The following CDH8 variants were observed in gnomAD, a reference collection of about 807,000 sequenced individuals.
The protein encoded by CDH8 is cadherin 8, also known as cadherin-8.
A neutral mutation model predicts 68.1 loss-of-function variants in CDH8; 17 were observed. The ratio of observed to expected loss-of-function variants is 0.25; its 90% CI spans 0.17 to 0.37. The LOEUF (loss-of-function observed/expected upper bound fraction) is 0.37, where lower values mean the gene tolerates loss of function less well. CDH8 is among the 10% of genes least tolerant of loss of function. The probability of loss-of-function intolerance (pLI) is 1.00; values close to 1 mark genes in which losing one functional copy is unlikely to be tolerated. For synonymous variants in CDH8, 372 were observed against 365.1 expected (o/e 1.02, Z -0.21); for missense variants, 763 against 999.3 (o/e 0.76, Z 3.19).
chr16:61,754,805 T>C (rs1052799113), intron 8 of CDH8, among the ~76,000 whole-genome samples: 2 of 152,176 alleles, frequency 1.3e-5, no homozygotes, highest in African/African-American at 4.8e-5. Flanking sequence ...GGGGGACATA[T>C]GCAGGTTACC....
chr16:62,035,004 A>C (rs1320372800), intron 1 of CDH8: 1 of 152,184 alleles, frequency 6.6e-6, no homozygotes, highest in Non-Finnish European at 1.5e-5. Flanking sequence ...AACCGCAAGG[A>C]AACTTTGAGG....
chr16:61,687,139 C>T lies in CDH8; in HGVS notation c.1654+26702G>A, dbSNP rs1964125769. Among the ~76,000 whole-genome samples the T allele has an allele frequency of 3.3e-5, 5 of 151,926 alleles. No homozygotes were observed. In the South Asian group the frequency reaches 8.3e-4, roughly 25 times the overall value. ...TGAACAGTATGCCTGGATTATAATA[C>T]ATTAATTATAGTCTCATTTGTCTTC... On this transcript the variant is annotated intron_variant, in intron 10 of 11. Transcript: ENST00000577390.
rs758467047 is a variant in CDH8, at chr16:61,653,704, G to A, written c.2304C>T (p.Asp768=). Residue 768 remains aspartate (D), a synonymous_variant, in exon 12 of 12, where the codon GAC becomes GAT. Transcript: ENST00000577390. ...SLSSLESTTS[D]SDQNFDYLSD... is the part of the protein sequence containing the mutation. ...TGAGGTAGTCAAAATTCTGGTCTGA[G>A]TCTGATGTGGTGGACTCCAAGGAGC... 2.1e-5 allele frequency: 34 copies of A among 1,614,062 alleles called. No individual in the cohort carries two copies. The South Asian group carries it at 3.4e-4, about 16-fold the overall frequency.
At chr16:61,909,352 T>C (rs1964121022) in intron 2 of CDH8, among the ~76,000 whole-genome samples, 1 of 152,192 alleles carries the variant, frequency 6.6e-6, no homozygotes, top group African/African-American at 2.4e-5. Flanking sequence ...TTTTAAATGG[T>C]AAGTTCCACA....
At chr16:61,947,618 A>C (rs1208152014) in intron 2 of CDH8, among the ~76,000 whole-genome samples, 1 of 152,186 alleles carries the variant, frequency 6.6e-6, no homozygotes, top group East Asian at 1.9e-4. Context: ...TTTTCCTCTA[A>C]ATGAAATAAC....
chr16:61,844,998 A>T (rs948217843), intron 4 of CDH8, among the ~76,000 whole-genome samples: 5 of 152,184 alleles, frequency 3.3e-5, no homozygotes, highest in Non-Finnish European at 7.3e-5. Context: ...ACAGAGAGCA[A>T]AGTTAATTGT....
chr16:61,649,014 T>C lies in CDH8; in HGVS notation c.*4594A>G, dbSNP rs187021624. 1 of 152,122 alleles carries C rather than the reference T, an allele frequency of 6.6e-6. No homozygotes were observed. Among genetic ancestry groups the C allele is most frequent in the East Asian group, 1.9e-4 (1 of 5,168 alleles). 9.4% of individuals were successfully genotyped at this position (152,122 alleles called of 1,614,324 possible). Reference sequence around the variant, plus strand: ...AAGCAATAATTACAAGGGCAAATAATACATTCAACACTGTTTGGCTGAGTA... The same window carrying C: ...AAGCAATAATTACAAGGGCAAATAACACATTCAACACTGTTTGGCTGAGTA... On this transcript the variant is annotated 3_prime_UTR_variant, in exon 12 of 12. Transcript: ENST00000577390.
At chr16:61,717,249 C>T (rs374271863) in intron 9 of CDH8, among the ~76,000 whole-genome samples, 2 of 151,394 alleles carry the variant, frequency 1.3e-5, no homozygotes, top group East Asian at 1.9e-4. Context: ...AAGCTGAAAG[C>T]AAAATATATG....
chr16:62,010,309 T>G (rs1008805819), intron 2 of CDH8, among the ~76,000 whole-genome samples: 3 of 152,174 alleles, frequency 2.0e-5, no homozygotes, highest in Non-Finnish European at 2.9e-5. Flanking sequence ...ACTGTTCTCA[T>G]CTGCAAATTG....
intron 10 of CDH8, among the ~76,000 whole-genome samples, chr16:61,660,226 C>T (rs1963528743): frequency 6.6e-6 from 1 of 151,922 alleles, no homozygotes; most frequent in African/African-American, 2.4e-5. Context: ...TAGTTTCCAA[C>T]AGAAGATTAT....
At chr16:62,007,208 C>T (rs1026074491) in intron 2 of CDH8, among the ~76,000 whole-genome samples, 1 of 152,150 alleles carries the variant, frequency 6.6e-6, no homozygotes, top group African/African-American at 2.4e-5. Flanking sequence ...ACCCGGCCCC[C>T]ATTTCATAAT....
chr16:61,814,867 G>A (rs1962036881), intron 7 of CDH8, among the ~76,000 whole-genome samples: 1 of 152,192 alleles, frequency 6.6e-6, no homozygotes, highest in Non-Finnish European at 1.5e-5. Context: ...TGCTCTCCAT[G>A]ATCCAACTGG....
chr16:61,764,241 A>C (rs1338385505), intron 8 of CDH8, among the ~76,000 whole-genome samples: 4 of 152,082 alleles, frequency 2.6e-5, no homozygotes, highest in Admixed American at 2.6e-4. Context: ...CCCAGTCAAA[A>C]CTCCAACAAA....
intron 8 of CDH8, among the ~76,000 whole-genome samples, chr16:61,731,614 G>T (rs567545262): frequency 1.3e-5 from 2 of 151,878 alleles, no homozygotes; most frequent in South Asian, 4.1e-4. Context: ...AAACAATTCA[G>T]CAAGTCACAA....
chr16:61,695,042 G>A (rs1439405130), intron 10 of CDH8, among the ~76,000 whole-genome samples: 14 of 151,756 alleles, frequency 9.2e-5, no homozygotes, highest in Non-Finnish European at 5.9e-5. Context: ...GCCCCTCAAA[G>A]TGCTGGGATT....
At chr16:61,977,833 C>T (rs1965465221) in intron 2 of CDH8, among the ~76,000 whole-genome samples, 1 of 152,160 alleles carries the variant, frequency 6.6e-6, no homozygotes, top group Non-Finnish European at 1.5e-5. Flanking sequence ...TTAAAAATTT[C>T]TTCACAACCA....
At position 61,652,916 on chromosome 16, in the gene CDH8, T is replaced by G; in HGVS notation, c.*692A>C. ...TCCTGCTTCTAGAAAACAAGCATGT[T>G]TGAATGGGATTTCTCTCCTCCCACC... On this transcript the variant is annotated 3_prime_UTR_variant, in exon 12 of 12. Transcript: ENST00000577390. 6.5e-7 allele frequency: 1 copy of G among 1,527,030 alleles called. No homozygotes were observed. The highest frequency in any genetic ancestry group is 8.8e-7 in the Non-Finnish European group (1 of 1,142,680). 94.6% of individuals were successfully genotyped at this position (1,527,030 alleles called of 1,614,324 possible).
At chr16:61,983,067 T>C (rs190634046) in intron 2 of CDH8, among the ~76,000 whole-genome samples, 2 of 152,284 alleles carry the variant, frequency 1.3e-5, no homozygotes, top group Admixed American at 6.5e-5. Context: ...CCAATAAAAA[T>C]AGAACAAATC....
At position 61,761,471 on chromosome 16, in the gene CDH8, C is replaced by A. The variant is rs551314726; in HGVS notation, c.1414+27875G>T. Among the ~76,000 whole-genome samples, 9 of 152,232 alleles carry A rather than the reference C, an allele frequency of 5.9e-5. 1 individual carries two copies. In the South Asian group the frequency reaches 1.9e-3, roughly 32 times the overall value. On this transcript the variant is annotated intron_variant, in intron 8 of 11. Coordinates refer to ENST00000577390, the MANE Select transcript of CDH8 (RefSeq NM_001796.5). Reference sequence around the variant, plus strand: ...TGGCTATTGGAAAAGGAAGTTCATCCACATGATCCTTTGAGTTGCAAACAA... The same window carrying A: ...TGGCTATTGGAAAAGGAAGTTCATCAACATGATCCTTTGAGTTGCAAACAA...
Sources: gnomAD v4.1 joint callset for allele counts (sites outside exome capture counted in the v4.1 genomes callset) on GRCh38, gnomAD v4.1.1 for gene constraint, MANE v1.5 for transcripts, NCBI Gene and HGNC (gene_info 2026-07-23, HGNC 2026-07-21) for gene names.